PDZD2: variants seen among roughly 807,000 people sequenced by gnomAD.
PDZD2 encodes the protein PDZ domain-containing protein 2.
PDZD2 carries 90 observed loss-of-function variants against 220.7 expected under a neutral mutation model. That is an observed-to-expected ratio of 0.41 (90% CI 0.34 to 0.49). The LOEUF is 0.49. Among genes scored for constraint, PDZD2 ranks in the 20% least tolerant of loss-of-function variants. The probability of loss-of-function intolerance (pLI) is 0.28; values close to 1 mark genes in which losing one functional copy is unlikely to be tolerated. For synonymous variants in PDZD2, 1,375 were observed against 1,450.5 expected, an observed-to-expected ratio of 0.95 and a Z score of 1.18; for missense variants, 3,174 against 3,608.5, an observed-to-expected ratio of 0.88 and a Z score of 3.08.
intron 3 of PDZD2, among the ~76,000 whole-genome samples, chr5:31,986,058 A>G (rs1434791604): frequency 4.1e-5 from 6 of 146,324 alleles, no homozygotes; most frequent in Non-Finnish European, 9.0e-5. Flanking sequence ...TTGGGCAACA[A>G]GAGCGAAACT....
rs948108455 is a variant in PDZD2, at chr5:32,000,973, C to T, written c.1254+702C>T. Among the ~76,000 whole-genome samples the T allele has an allele frequency of 6.6e-6, 1 of 152,180 alleles. No individual in the cohort carries two copies. Among genetic ancestry groups the T allele is most frequent in the African/African-American group, 2.4e-5 (1 of 41,454 alleles). On this transcript the variant is annotated intron_variant, in intron 5 of 24. Coordinates refer to ENST00000438447, the MANE Select transcript of PDZD2 (RefSeq NM_178140.4). The surrounding 1 kb of genome is among the most constrained non-coding windows in gnomAD (Gnocchi z 4.5). ...AGAGCTCCGCCTCCTGTCAGATCAGCGGCGGCACTGGACTCTCATAGGAAT... is the reference window on the plus strand; with the variant it reads ...AGAGCTCCGCCTCCTGTCAGATCAGTGGCGGCACTGGACTCTCATAGGAAT...
chr5:31,983,700 G>A, intron 3 of PDZD2, 44 bp downstream of exon 3: 1 of 1,568,670 alleles, frequency 6.4e-7, no homozygotes, highest in East Asian at 2.3e-5. Context: ...TATTTATCGT[G>A]TGTGTTTGTT....
intron 2 of PDZD2, among the ~76,000 whole-genome samples, chr5:31,891,671 C>T (rs1435299201): frequency 6.6e-6 from 1 of 152,046 alleles, no homozygotes; most frequent in Non-Finnish European, 1.5e-5. Flanking sequence ...GGTACTGAGC[C>T]ACCGAGGCAG....
At chr5:31,661,763 G>GA (rs944721575) in intron 1 of PDZD2, among the ~76,000 whole-genome samples, 9 of 148,578 alleles carry the variant, frequency 6.1e-5, no homozygotes, top group African/African-American at 2.2e-4. Flanking sequence ...AAGATAGATA[G>GA]AAATAAGTAG....
chr5:31,684,232 A>G (rs1746761528), intron 1 of PDZD2, among the ~76,000 whole-genome samples: 1 of 152,204 alleles, frequency 6.6e-6, no homozygotes, highest in African/African-American at 2.4e-5. Context: ...CAAGTGATGG[A>G]TGGATATGAC....
chr5:32,062,419 G>A lies in PDZD2; in HGVS notation c.2451+1285G>A, dbSNP rs1411661527. 4.7e-5 allele frequency among the ~76,000 whole-genome samples: 7 copies of A among 148,826 alleles called. No individual in the cohort carries two copies. The South Asian group carries it at 1.5e-3, about 31-fold the overall frequency. On this transcript the variant is annotated intron_variant, in intron 14 of 24. Coordinates refer to ENST00000438447, the MANE Select transcript of PDZD2 (RefSeq NM_178140.4). ...TTTTTTTTTTTTTTTTTTGAGACAG[G>A]GTCTCCCTCTGTCACCCAGGCTGGA...
intron 1 of PDZD2, among the ~76,000 whole-genome samples, chr5:31,783,979 TG>T (rs1262125212): frequency 6.6e-6 from 1 of 152,206 alleles, no homozygotes; most frequent in East Asian, 1.9e-4. Context: ...CCTCTCAATC[TG>T]TTCCCTCATC....
chr5:31,878,555 C>CCTTTTTTTTTT (rs750266997), intron 2 of PDZD2, among the ~76,000 whole-genome samples: 1 of 48,198 alleles, frequency 2.1e-5, no homozygotes, highest in African/African-American at 7.0e-5. Context: ...ATGACCTCGG[C>CCTTTTTTTTTT]TTTTTTTTTT....
At chr5:31,766,978 T>TCG (rs1752060958) in intron 1 of PDZD2, among the ~76,000 whole-genome samples, 4 of 146,904 alleles carry the variant, frequency 2.7e-5, no homozygotes, top group African/African-American at 2.6e-5. Context: ...TCCACCCACC[T>TCG]GCCTCCCAAA....
At chr5:31,668,178 T>C (rs778067716) in intron 1 of PDZD2, among the ~76,000 whole-genome samples, 8 of 152,096 alleles carry the variant, frequency 5.3e-5, no homozygotes, top group Non-Finnish European at 1.0e-4. Context: ...CCTTTTTTCA[T>C]TGTGTTGGTG....
chr5:31,927,692 ACTTTGAAGTTAGACTCTCCTTGCC>A (rs1744921005), intron 2 of PDZD2, among the ~76,000 whole-genome samples: 1 of 151,974 alleles, frequency 6.6e-6, no homozygotes, highest in African/African-American at 2.4e-5. Context: ...GCCTCCTGCT[ACTTTGAAGTTAGACTCTCCTTGCC>A]CGAAGTGACT....
intron 1 of PDZD2, among the ~76,000 whole-genome samples, chr5:31,651,801 TTTTG>T (rs893575275): frequency 2.6e-5 from 4 of 151,722 alleles, no homozygotes; most frequent in Admixed American, 1.3e-4. Context: ...TGGCTAATTT[TTTTG>T]TTTGTTTGTT....
chr5:31,839,535 T>G (rs1244742846), intron 2 of PDZD2, among the ~76,000 whole-genome samples: 1 of 152,164 alleles, frequency 6.6e-6, no homozygotes, highest in Non-Finnish European at 1.5e-5. Flanking sequence ...AGAAGGGAGA[T>G]GGAATATAAT....
chr5:32,033,372 C>T (rs1379351251), intron 6 of PDZD2, among the ~76,000 whole-genome samples: 1 of 152,164 alleles, frequency 6.6e-6, no homozygotes, highest in Non-Finnish European at 1.5e-5. Flanking sequence ...AACCCACTTC[C>T]TGTTCAGTGA....
intron 1 of PDZD2, among the ~76,000 whole-genome samples, chr5:31,743,127 T>C (rs1750367049): frequency 6.6e-6 from 1 of 152,216 alleles, no homozygotes; most frequent in Non-Finnish European, 1.5e-5. Context: ...TCTGAATCTC[T>C]TTAGTGTTGA....
At chr5:31,856,577 C>G (rs1017089281) in intron 2 of PDZD2, among the ~76,000 whole-genome samples, 4 of 152,160 alleles carry the variant, frequency 2.6e-5, no homozygotes, top group Non-Finnish European at 5.9e-5. Flanking sequence ...AGCAAAGTCA[C>G]CAAACTGCCT....
intron 2 of PDZD2, among the ~76,000 whole-genome samples, chr5:31,808,863 C>T (rs933302659): frequency 5.9e-5 from 9 of 151,954 alleles, no homozygotes; most frequent in Admixed American, 3.3e-4. Flanking sequence ...ACCTGTAGTT[C>T]CTGCTACTCA....
intron 1 of PDZD2, among the ~76,000 whole-genome samples, chr5:31,688,367 A>G (rs1202291440): frequency 6.6e-6 from 1 of 152,198 alleles, no homozygotes; most frequent in Non-Finnish European, 1.5e-5. Context: ...AAAGAGATAA[A>G]TAGGGCTGGT....
chr5:31,779,827 C>T (rs1179639256), intron 1 of PDZD2, among the ~76,000 whole-genome samples: 3 of 152,114 alleles, frequency 2.0e-5, no homozygotes, highest in Non-Finnish European at 4.4e-5. Flanking sequence ...ATCTCCTTGG[C>T]AGCTTCACGT....
Sources: allele counts gnomAD v4.1 joint callset (sites outside exome capture counted in the v4.1 genomes callset), GRCh38; gene constraint gnomAD v4.1.1; non-coding constraint Gnocchi (gnomAD v3.1); transcripts MANE v1.5; gene names NCBI Gene and HGNC (gene_info 2026-07-23, HGNC 2026-07-21).